Variants in UGT1A7 observed in about 807,000 individuals in gnomAD.
The protein encoded by UGT1A7 is UDP glucuronosyltransferase family 1 member A7.
A neutral mutation model predicts 45.6 loss-of-function variants in UGT1A7; 33 were observed. The ratio of observed to expected loss-of-function variants is 0.72; its 90% CI spans 0.55 to 0.97. UGT1A7 has a LOEUF of 0.97. Among genes scored for constraint, UGT1A7 ranks in the 50% least tolerant of loss-of-function variants. The pLI is 0.00. For synonymous variants in UGT1A7, 274 were observed against 250.6 expected (o/e 1.09, Z -0.88); for missense variants, 684 against 666.2 (o/e 1.03, Z -0.29).
chr2:233,700,589 G>T (rs1048954941), intron 1 of UGT1A7, among the ~76,000 whole-genome samples: 1 of 152,036 alleles, frequency 6.6e-6, no homozygotes, highest in Admixed American at 6.5e-5. Flanking sequence ...AATTTATTAT[G>T]ATACAATTCA....
intron 1 of UGT1A7, among the ~76,000 whole-genome samples, chr2:233,736,005 G>A (rs1194834652): frequency 1.3e-5 from 2 of 152,028 alleles, no homozygotes; most frequent in African/African-American, 4.8e-5. Flanking sequence ...TGTTCTTCTC[G>A]AGGAGTATCT....
chr2:233,692,928 A>G, intron 1 of UGT1A7: 11 of 1,581,564 alleles, frequency 7.0e-6, no homozygotes, highest in Non-Finnish European at 9.4e-6. Context: ...TGGTTAGTTT[A>G]GGGAAAATAC....
rs186063545 is a variant in UGT1A7 at position 233,691,746 on chromosome 2, C to T, written c.855+8954C>T. 6.9e-5 allele frequency: 40 copies of T among 577,626 alleles called. No individual in the cohort carries two copies. The East Asian group carries it at 5.4e-3, about 78-fold the overall frequency. The allele number at this position is 577,626 out of a possible 1,614,324, so 35.8% of individuals were successfully genotyped here. On this transcript the variant is annotated intron_variant, in intron 1 of 4. Transcript: ENST00000373426. The stretch of plus-strand genomic sequence containing the variant: ...GGCTGGGCCAGAAGCAGATACCAGG[C>T]TTTCTGACTCCTGCTCTAGGATTCT...
chr2:233,684,837 T>G (rs2074703951), intron 1 of UGT1A7, among the ~76,000 whole-genome samples: 1 of 152,230 alleles, frequency 6.6e-6, no homozygotes, highest in Non-Finnish European at 1.5e-5. Context: ...GAAAAATTTA[T>G]GGACACTGTA....
intron 1 of UGT1A7, among the ~76,000 whole-genome samples, chr2:233,715,186 A>G (rs959618310): frequency 6.6e-6 from 1 of 152,160 alleles, no homozygotes; most frequent in Non-Finnish European, 1.5e-5. Context: ...ACACCTAGGC[A>G]ATTTTTCTAT....
chr2:233,772,227 T>G, intron 4 of UGT1A7, 35 bp from the exon 5 acceptor site: 7 of 1,613,472 alleles, frequency 4.3e-6, no homozygotes, highest in Non-Finnish European at 5.1e-6. Flanking sequence ...ATACCACAGG[T>G]GTTCCAGGCA....
intron 1 of UGT1A7, chr2:233,719,110 C>T (rs2076727288): frequency 1.9e-6 from 3 of 1,614,270 alleles, no homozygotes; most frequent in Non-Finnish European, 2.5e-6. Context: ...CTGGGCTACA[C>T]TCAAGGGTTC....
intron 1 of UGT1A7, among the ~76,000 whole-genome samples, chr2:233,714,507 T>A (rs1275407158): frequency 6.6e-6 from 1 of 152,186 alleles, no homozygotes; most frequent in African/African-American, 2.4e-5. Flanking sequence ...TTAAAAAAAA[T>A]TCTTACTAGG....
chr2:233,754,495 A>T, intron 1 of UGT1A7: 1 of 357,368 alleles, frequency 2.8e-6, no homozygotes, highest in Non-Finnish European at 5.5e-6. Context: ...TCCTAAAAAA[A>T]GTCCGCTATT....
intron 1 of UGT1A7, among the ~76,000 whole-genome samples, chr2:233,704,961 C>T (rs1307195227): frequency 2.0e-5 from 3 of 152,020 alleles, no homozygotes; most frequent in Non-Finnish European, 2.9e-5. Flanking sequence ...CATGGTGAAA[C>T]CCCATCTCTA....
intron 1 of UGT1A7, among the ~76,000 whole-genome samples, chr2:233,765,843 C>T (rs546022798): frequency 6.6e-6 from 1 of 151,968 alleles, no homozygotes; most frequent in Admixed American, 6.6e-5. Flanking sequence ...TTTCCTTGTC[C>T]CCCTCACAGA....
intron 1 of UGT1A7, among the ~76,000 whole-genome samples, chr2:233,704,322 T>C (rs1003349124): frequency 1.3e-5 from 2 of 152,026 alleles, no homozygotes; most frequent in African/African-American, 4.8e-5. Context: ...TTAATGTTTT[T>C]CTTTCCACTA....
chr2:233,729,353 C>G, intron 1 of UGT1A7: 1 of 1,614,162 alleles, frequency 6.2e-7, no homozygotes, highest in South Asian at 1.1e-5. Flanking sequence ...AACTTTTTCA[C>G]CCTGACAACC....
rs139110841 is a variant in UGT1A7, at chr2:233,729,282, T to C, written c.856-37752T>C. 648 of 1,614,246 alleles carry C rather than the reference T, an allele frequency of 4.0e-4. 1 individual carries two copies. In the Middle Eastern group the frequency reaches 4.5e-3, roughly 11 times the overall value. ...TGCGGGAGGTCTTGCGGGAGCTCCA[T>C]GCCAGAGGCCACCAGGCAGTGGTCC... On this transcript the variant is annotated intron_variant, in intron 1 of 4. Transcript: ENST00000373426.
At chr2:233,732,813 A>G (rs1272687468) in intron 1 of UGT1A7, among the ~76,000 whole-genome samples, 1 of 131,564 alleles carries the variant, frequency 7.6e-6, no homozygotes, top group Non-Finnish European at 1.6e-5. Flanking sequence ...TTTTGATTCC[A>G]TATGAACTTT....
At chr2:233,725,311 C>A (rs57258852) in intron 1 of UGT1A7, among the ~76,000 whole-genome samples, 1 of 47,288 alleles carries the variant, frequency 2.1e-5, no homozygotes, top group Non-Finnish European at 3.9e-5. Flanking sequence ...GAGGCAGAGG[C>A]AGAGGCGCCT....
intron 1 of UGT1A7, among the ~76,000 whole-genome samples, chr2:233,756,977 A>G (rs1696373315): frequency 6.6e-6 from 1 of 152,008 alleles, no homozygotes; most frequent in South Asian, 2.1e-4. Flanking sequence ...CACGCAATGA[A>G]CAGTCATAGT....
chr2:233,700,628 T>G (rs1178999568), intron 1 of UGT1A7, among the ~76,000 whole-genome samples: 1 of 152,192 alleles, frequency 6.6e-6, no homozygotes, highest in African/African-American at 2.4e-5. Flanking sequence ...TCCAGTAAGA[T>G]TTAATGACTT....
At chr2:233,766,877 C>T (rs3213726) in intron 1 of UGT1A7, among the ~76,000 whole-genome samples, 157 bp from the exon 2 acceptor site, 1 of 152,218 alleles carries the variant, frequency 6.6e-6, no homozygotes, top group Non-Finnish European at 1.5e-5. Flanking sequence ...GAGGAAAATG[C>T]TGTAAAACTT....
Sources: gnomAD v4.1 joint callset for allele counts (sites outside exome capture counted in the v4.1 genomes callset) on GRCh38, gnomAD v4.1.1 for gene constraint, MANE v1.5 for transcripts, NCBI Gene and HGNC (gene_info 2026-07-23, HGNC 2026-07-21) for gene names.